The following B3GALT1 variants were observed in gnomAD, a reference collection of about 807,000 sequenced individuals.
B3GALT1 encodes UDP-Gal:betaGlcNAc beta 1,3-galactosyltransferase, polypeptide 1.
Under a neutral mutation model 23.2 loss-of-function variants are expected in B3GALT1, and 10 were observed. The ratio of observed to expected loss-of-function variants is 0.43; its 90% CI spans 0.27 to 0.73. The LOEUF is 0.73. B3GALT1 is among the 30% of genes least tolerant of loss of function. The pLI is 0.21. For missense variants in B3GALT1, 299 were observed against 405.4 expected (o/e 0.74, Z 2.25); for synonymous variants, 156 against 141.5 (o/e 1.10, Z -0.73).
In B3GALT1 at chr2:167,459,554, A is replaced by G. The variant is rs74855867; in HGVS notation, c.-510-30623A>G. ...ATGTGGAGTTACAAACCAAAGTTAT[A>G]AGAATACTAGCTTTGGACTAATAAT... On this transcript the variant is annotated intron_variant, in intron 1 of 4. Coordinates refer to ENST00000392690, the MANE Select transcript of B3GALT1 (RefSeq NM_020981.4). Among the ~76,000 whole-genome samples, 883 of 152,334 alleles carry G rather than the reference A, an allele frequency of 5.8e-3. 8 individuals carry two copies. Among genetic ancestry groups the G allele is most frequent in the African/African-American group, 0.02 (847 of 41,588 alleles).
chr2:167,371,396 C>A (rs1697682150), intron 1 of B3GALT1, among the ~76,000 whole-genome samples: 1 of 151,998 alleles, frequency 6.6e-6, no homozygotes. Flanking sequence ...TAAAGATCTC[C>A]TTTGGCTACT....
At chr2:167,758,914 T>A (rs1291762122) in intron 3 of B3GALT1, among the ~76,000 whole-genome samples, 4 of 152,096 alleles carry the variant, frequency 2.6e-5, no homozygotes, top group Non-Finnish European at 4.4e-5. Context: ...GGGTACTCTG[T>A]ATGGAAAGAA....
chr2:167,704,530 C>A lies in B3GALT1; in HGVS notation c.-352+57564C>A, dbSNP rs111305146. Among the ~76,000 whole-genome samples the A allele has an allele frequency of 3.1e-3, 473 of 151,720 alleles. 3 individuals carry two copies. The highest frequency in any genetic ancestry group is 5.5e-3 in the Non-Finnish European group (371 of 67,914). ...CATATACCCACATATTATTCTCTAG[C>A]CTACTTTAAAAAAAAAAACTAGGAA... On this transcript the variant is annotated intron_variant, in intron 3 of 4. Transcript: ENST00000392690.
chr2:167,325,346 G>C (rs1696876621), intron 1 of B3GALT1, among the ~76,000 whole-genome samples: 2 of 152,058 alleles, frequency 1.3e-5, no homozygotes. Flanking sequence ...AGGAAGCATG[G>C]CTGGGGAGGC....
chr2:167,439,038 A>G (rs1447108825), intron 1 of B3GALT1, among the ~76,000 whole-genome samples: 3 of 152,252 alleles, frequency 2.0e-5, no homozygotes, highest in African/African-American at 4.8e-5. Flanking sequence ...CTCCCACAGA[A>G]TAAATATTCA....
In B3GALT1 at chr2:167,393,095, G is replaced by T. The variant is rs569268244; in HGVS notation, c.-510-97082G>T. ...TAAAAATACAAAAAATTAGCCAGAC[G>T]TGGTGGTGGGTGCCTGTAGTCCCAG... On this transcript the variant is annotated intron_variant, in intron 1 of 4. Transcript: ENST00000392690. Among the ~76,000 whole-genome samples, 69 of 152,204 alleles carry T rather than the reference G, an allele frequency of 4.5e-4. No individual in the cohort carries two copies. In the South Asian group the frequency reaches 8.5e-3, roughly 19 times the overall value.
chr2:167,437,173 G>C (rs1698799725), intron 1 of B3GALT1, among the ~76,000 whole-genome samples: 1 of 152,132 alleles, frequency 6.6e-6, no homozygotes, highest in African/African-American at 2.4e-5. Context: ...TGGAAATACT[G>C]TCCCTAACTG....
At chr2:167,376,725 CTCTTT>C (rs1697769743) in intron 1 of B3GALT1, among the ~76,000 whole-genome samples, 1 of 151,982 alleles carries the variant, frequency 6.6e-6, no homozygotes, top group African/African-American at 2.4e-5. Flanking sequence ...TTTGGATCTT[CTCTTT>C]TTTTTACTTT....
intron 1 of B3GALT1, among the ~76,000 whole-genome samples, chr2:167,316,657 A>G (rs1191478393): frequency 1.3e-5 from 2 of 152,116 alleles, no homozygotes; most frequent in East Asian, 3.9e-4. Flanking sequence ...CTTGTCCCCA[A>G]GATGAGATAA....
rs151189874 is a variant in B3GALT1, at chr2:167,296,285, CTT to C, written c.-511+2952_-511+2953del. Among the ~76,000 whole-genome samples, 1,232 of 152,222 alleles carry C rather than the reference CTT, an allele frequency of 8.1e-3. 18 individuals carry two copies. Among genetic ancestry groups the C allele is most frequent in the African/African-American group, 0.028 (1,153 of 41,532 alleles). On this transcript the variant is annotated intron_variant, in intron 1 of 4. Transcript: ENST00000392690. ...GATACAATTATTTTATGAAATAAAACTTATTTAATTTGTCAGATAGTCACGAT... is the reference window on the plus strand; with the variant it reads ...GATACAATTATTTTATGAAATAAAACATTTAATTTGTCAGATAGTCACGAT...
chr2:167,627,851 T>A (rs1307892598), intron 2 of B3GALT1, among the ~76,000 whole-genome samples: 1 of 151,664 alleles, frequency 6.6e-6, no homozygotes, highest in Non-Finnish European at 1.5e-5. Context: ...ATTGTCAGAC[T>A]TTTTAACCCA....
At chr2:167,476,078 C>G (rs1002598070) in intron 1 of B3GALT1, among the ~76,000 whole-genome samples, 1 of 152,162 alleles carries the variant, frequency 6.6e-6, no homozygotes, top group Non-Finnish European at 1.5e-5. Flanking sequence ...CTATCTGCAA[C>G]GACCCTATTT....
chr2:167,630,898 C>T (rs542238541), intron 2 of B3GALT1, among the ~76,000 whole-genome samples: 1 of 151,238 alleles, frequency 6.6e-6, no homozygotes, highest in South Asian at 2.1e-4. Flanking sequence ...CTTTCTTGCT[C>T]CTTATTTCTC....
At chr2:167,395,312 C>A (rs1698077753) in intron 1 of B3GALT1, among the ~76,000 whole-genome samples, 1 of 151,938 alleles carries the variant, frequency 6.6e-6, no homozygotes, top group Non-Finnish European at 1.5e-5. Context: ...AGAGATTACC[C>A]TGGATTGTCT....
In B3GALT1 at chr2:167,650,432, T is replaced by C. The variant is rs1252444165; in HGVS notation, c.-352+3466T>C. Among the ~76,000 whole-genome samples the C allele has an allele frequency of 4.6e-5, 7 of 151,592 alleles. No individual in the cohort carries two copies. In the East Asian group the frequency reaches 1.4e-3, roughly 29 times the overall value. Reference sequence around the variant, plus strand: ...TAAGCCGCTGGATTCATTTTGCAAGTATTTTGTTGAGAATTTTTACATGTT... The same window carrying C: ...TAAGCCGCTGGATTCATTTTGCAAGCATTTTGTTGAGAATTTTTACATGTT... On this transcript the variant is annotated intron_variant, in intron 3 of 4. Coordinates refer to ENST00000392690, the MANE Select transcript of B3GALT1 (RefSeq NM_020981.4).
intron 2 of B3GALT1, among the ~76,000 whole-genome samples, chr2:167,539,419 GACA>G (rs904217693): frequency 6.6e-6 from 1 of 152,220 alleles, no homozygotes; most frequent in East Asian, 1.9e-4. Context: ...GCAAAGGTGA[GACA>G]ACAATTATTC....
chr2:167,561,456 A>C (rs1279484035), intron 2 of B3GALT1, among the ~76,000 whole-genome samples: 3 of 152,178 alleles, frequency 2.0e-5, no homozygotes, highest in Non-Finnish European at 4.4e-5. Context: ...AACTAAAATC[A>C]GAGCAGAACT....
chr2:167,354,889 A>G (rs1184465484), intron 1 of B3GALT1, among the ~76,000 whole-genome samples: 1 of 152,120 alleles, frequency 6.6e-6, no homozygotes, highest in African/African-American at 2.4e-5. Context: ...TATCACTCAT[A>G]TTATACATCA....
chr2:167,739,273 T>C (rs2044681), intron 3 of B3GALT1, among the ~76,000 whole-genome samples: 26,816 of 152,172 alleles, frequency 0.18, 2,470 homozygotes, highest in South Asian at 0.21. Flanking sequence ...CTGCTCTAAC[T>C]TTCAGGATAG....
Sources: allele counts gnomAD v4.1 joint callset (sites outside exome capture counted in the v4.1 genomes callset), GRCh38; gene constraint gnomAD v4.1.1; transcripts MANE v1.5; gene names NCBI Gene and HGNC (gene_info 2026-07-23, HGNC 2026-07-21).